The following RAB38 variants were observed in gnomAD, a reference collection of about 807,000 sequenced individuals.
The protein encoded by RAB38 is ras-related protein Rab-38.
RAB38 carries 15 observed loss-of-function variants against 18.4 expected under a neutral mutation model. That is an observed-to-expected ratio of 0.82 (90% CI 0.55 to 1.26). RAB38 has a LOEUF of 1.26. Ranked by LOEUF, RAB38 falls within the 50% of genes most tolerant of loss-of-function variation. The pLI is 0.00. For synonymous variants in RAB38, 101 were observed against 104.4 expected (o/e 0.97, Z 0.20); for missense variants, 294 against 267.4 (o/e 1.10, Z -0.69).
the RAB38 span, among the ~76,000 whole-genome samples, chr11:87,829,089 G>A: frequency 6.6e-6 from 1 of 152,068 alleles, no homozygotes; most frequent in African/African-American, 2.4e-5. Flanking sequence ...GATTAACCTA[G>A]GATAAAATTA....
In RAB38 at chr11:88,138,091, G is replaced by T. The variant is rs569580936; in HGVS notation, c.483+11584C>A. Among the ~76,000 whole-genome samples the T allele has an allele frequency of 3.3e-5, 5 of 152,190 alleles. No individual in the cohort carries two copies. The South Asian group carries it at 1.0e-3, about 32-fold the overall frequency. ...CAAATAAATGGAATCCAGGAAGCAG[G>T]CAATCCCACACACAAGAATGTCAAA... On this transcript the variant is annotated intron_variant, in intron 2 of 2. Coordinates refer to ENST00000243662, the MANE Select transcript of RAB38 (RefSeq NM_022337.3).
chr11:88,077,818 T>C, the RAB38 span, among the ~76,000 whole-genome samples: 2 of 151,996 alleles, frequency 1.3e-5, no homozygotes, highest in Non-Finnish European at 2.9e-5. Context: ...TTTGCATAGC[T>C]TTGTATCCAT....
the RAB38 span, among the ~76,000 whole-genome samples, chr11:87,851,040 G>A: frequency 1.7e-4 from 26 of 152,180 alleles, no homozygotes; most frequent in South Asian, 1.4e-3. Context: ...GCGGTCCCCC[G>A]TTCCCCTCAG....
the RAB38 span, among the ~76,000 whole-genome samples, chr11:87,947,975 T>G: frequency 6.6e-6 from 1 of 152,206 alleles, no homozygotes; most frequent in Non-Finnish European, 1.5e-5. Flanking sequence ...AATCTATAAA[T>G]TACCTTGGGC....
At chr11:88,065,449 A>T in the RAB38 span, among the ~76,000 whole-genome samples, 5 of 152,188 alleles carry the variant, frequency 3.3e-5, no homozygotes, top group Non-Finnish European at 1.5e-5. Context: ...AACAGAGAAA[A>T]TGTCTAGCTG....
the RAB38 span, among the ~76,000 whole-genome samples, chr11:87,953,056 T>C: frequency 0.096 from 14,356 of 148,806 alleles, 1,071 homozygotes; most frequent in East Asian, 0.21. Context: ...ATTATGTAAA[T>C]ATGTCATTAT....
At chr11:87,852,710 T>TA in the RAB38 span, among the ~76,000 whole-genome samples, 1 of 152,166 alleles carries the variant, frequency 6.6e-6, no homozygotes, top group Non-Finnish European at 1.5e-5. Flanking sequence ...ACGCTAGAAA[T>TA]ACGATGGTTT....
At chr11:87,957,812 G>A in the RAB38 span, among the ~76,000 whole-genome samples, 1 of 152,084 alleles carries the variant, frequency 6.6e-6, no homozygotes, top group South Asian at 2.1e-4. Flanking sequence ...GGGAGAGCAT[G>A]AGAAGGTCAG....
the RAB38 span, among the ~76,000 whole-genome samples, chr11:87,946,697 A>G: frequency 6.6e-6 from 1 of 152,120 alleles, no homozygotes; most frequent in Non-Finnish European, 1.5e-5. Flanking sequence ...AGTTTCATCC[A>G]TGTCCCTACA....
chr11:88,115,380 G>T (rs1942535715), intron 2 of RAB38: 1 of 152,126 alleles, frequency 6.6e-6, no homozygotes, highest in Non-Finnish European at 1.5e-5. Flanking sequence ...TGAGATCATT[G>T]AATGGAGTCA....
the RAB38 span, among the ~76,000 whole-genome samples, chr11:87,953,948 ATGTAAATC>A: frequency 1.3e-5 from 2 of 149,906 alleles, no homozygotes; most frequent in Non-Finnish European, 3.0e-5. Flanking sequence ...TCCTGTTTTG[ATGTAAATC>A]TACAAAATTT....
the RAB38 span, among the ~76,000 whole-genome samples, chr11:87,928,376 A>T: frequency 0.022 from 3,364 of 152,140 alleles, 129 homozygotes; most frequent in African/African-American, 0.078. Flanking sequence ...TAAATGAAAA[A>T]ATGGAAAGTT....
chr11:88,106,358 A>T, the RAB38 span, among the ~76,000 whole-genome samples: 2 of 152,200 alleles, frequency 1.3e-5, no homozygotes, highest in African/African-American at 4.8e-5. Context: ...GGCATAAGGT[A>T]ACTTCTTCAA....
chr11:88,106,444 C>CA, the RAB38 span, among the ~76,000 whole-genome samples: 15 of 151,546 alleles, frequency 9.9e-5, no homozygotes, highest in African/African-American at 2.4e-4. Flanking sequence ...TTGATATTTA[C>CA]AAAAAAAACA....
At chr11:88,026,926 T>C in the RAB38 span, among the ~76,000 whole-genome samples, 1 of 152,160 alleles carries the variant, frequency 6.6e-6, no homozygotes. Flanking sequence ...TGTGAGACAT[T>C]TTACATAATT....
intron 1 of RAB38, among the ~76,000 whole-genome samples, chr11:88,169,482 G>C (rs912723350): frequency 3.3e-5 from 5 of 152,182 alleles, no homozygotes; most frequent in African/African-American, 1.2e-4. Flanking sequence ...TATTGTAGAG[G>C]AGATGTTCAG....
At chr11:87,840,756 T>A in the RAB38 span, among the ~76,000 whole-genome samples, 1 of 152,318 alleles carries the variant, frequency 6.6e-6, no homozygotes, top group South Asian at 2.1e-4. Flanking sequence ...TTGTAAGACA[T>A]ATAGAAATCT....
At chr11:87,864,342 TATATC>T in the RAB38 span, among the ~76,000 whole-genome samples, 13 of 150,178 alleles carry the variant, frequency 8.7e-5, no homozygotes, top group Admixed American at 4.7e-4. Context: ...TGTTATATAT[TATATC>T]ATATAATGTT....
the RAB38 span, among the ~76,000 whole-genome samples, chr11:87,851,295 A>AGTATGTGACAT: frequency 6.6e-6 from 1 of 152,292 alleles, no homozygotes; most frequent in Non-Finnish European, 1.5e-5. Flanking sequence ...GGTTCACTTC[A>AGTATGTGACAT]GTATCTTCAG....
Sources: allele counts gnomAD v4.1 joint callset (sites outside exome capture counted in the v4.1 genomes callset), GRCh38; gene constraint gnomAD v4.1.1; transcripts MANE v1.5; gene names NCBI Gene and HGNC (gene_info 2026-07-23, HGNC 2026-07-21).